TMEM117: variants seen among roughly 807,000 people sequenced by gnomAD.
The protein encoded by TMEM117 is transmembrane protein 117.
A neutral mutation model predicts 52.4 loss-of-function variants in TMEM117; 27 were observed. The observed-to-expected ratio is 0.51, with a 90% CI of 0.38 to 0.71. The LOEUF (loss-of-function observed/expected upper bound fraction) is 0.71. Among genes scored for constraint, TMEM117 ranks in the 30% least tolerant of loss-of-function variants. TMEM117 has a pLI of 0.00. For synonymous variants in TMEM117, 215 were observed against 206.3 expected (o/e 1.04, Z -0.36); for missense variants, 556 against 630.5 (o/e 0.88, Z 1.26).
intron 3 of TMEM117, among the ~76,000 whole-genome samples, chr12:44,126,649 T>G (rs1371368072): frequency 6.6e-6 from 1 of 152,228 alleles, no homozygotes; most frequent in East Asian, 1.9e-4. Flanking sequence ...GTGCGCTAGT[T>G]GCAGTATTTG....
chr12:44,077,994 A>G (rs1231472079), intron 3 of TMEM117, among the ~76,000 whole-genome samples: 3 of 152,086 alleles, frequency 2.0e-5, no homozygotes, highest in African/African-American at 4.8e-5. Flanking sequence ...ATTTTTTTTG[A>G]CATTTCCTAC....
intron 2 of TMEM117, among the ~76,000 whole-genome samples, chr12:43,890,591 G>A (rs1489054148): frequency 6.6e-6 from 1 of 151,958 alleles, no homozygotes; most frequent in African/African-American, 2.4e-5. Context: ...GAGTGTAGTG[G>A]TGCAATCTCG....
At chr12:43,799,136 G>A in the TMEM117 span, among the ~76,000 whole-genome samples, 2 of 151,978 alleles carry the variant, frequency 1.3e-5, no homozygotes, top group South Asian at 2.1e-4. Flanking sequence ...CACAACAGTT[G>A]TACTTCAAAA....
intron 6 of TMEM117, among the ~76,000 whole-genome samples, chr12:44,370,229 A>G (rs1399011603): frequency 6.6e-6 from 1 of 152,172 alleles, no homozygotes; most frequent in Non-Finnish European, 1.5e-5. Flanking sequence ...CCAAACATTT[A>G]CTGCCTCTTC....
chr12:43,834,397 CAATCATGAGTAAGATTT>C (rs1363157676), upstream of TMEM117, among the ~76,000 whole-genome samples: 1 of 152,140 alleles, frequency 6.6e-6, no homozygotes, highest in Non-Finnish European at 1.5e-5. Flanking sequence ...ACTAAGGATA[CAATCATGAGTAAGATTT>C]AATCTCTGCC....
rs183576645 is a variant in TMEM117, at chr12:44,094,223, A to C, written c.411-49302A>C. The stretch of plus-strand genomic sequence containing the variant: ...AACCATTCACTATGCATTAGCTCCA[A>C]TGACAGAATATAGATCATAGTAAGT... On this transcript the variant is annotated intron_variant, in intron 3 of 7. Coordinates refer to ENST00000266534, the MANE Select transcript of TMEM117 (RefSeq NM_032256.3). Among the ~76,000 whole-genome samples, 193 of 152,270 alleles carry C rather than the reference A, an allele frequency of 1.3e-3. 1 individual carries two copies. The highest frequency in any genetic ancestry group is 4.2e-3 in the African/African-American group (173 of 41,548).
chr12:43,852,270 A>C (rs1943322631), intron 2 of TMEM117, among the ~76,000 whole-genome samples: 1 of 152,184 alleles, frequency 6.6e-6, no homozygotes, highest in South Asian at 2.1e-4. Flanking sequence ...TCTCTACTAA[A>C]AGTACAAAAA....
In TMEM117 at chr12:44,100,129, G is replaced by C. The variant is rs1020410443; in HGVS notation, c.411-43396G>C. ...TTATCCTCTATAATGGGATAGACAT[G>C]GTGCTAGGTATGTTTATATTATGTA... On this transcript the variant is annotated intron_variant, in intron 3 of 7. Coordinates refer to ENST00000266534, the MANE Select transcript of TMEM117 (RefSeq NM_032256.3). 6.6e-5 allele frequency among the ~76,000 whole-genome samples: 10 copies of C among 152,006 alleles called. No individual in the cohort carries two copies. In the East Asian group the frequency reaches 1.7e-3, roughly 27 times the overall value.
intron 3 of TMEM117, among the ~76,000 whole-genome samples, chr12:44,007,748 C>T (rs548416657): frequency 6.6e-6 from 1 of 152,174 alleles, no homozygotes; most frequent in South Asian, 2.1e-4. Flanking sequence ...GTGCTGTTCT[C>T]GTGATAGTGA....
chr12:44,122,048 CTTTT>C (rs201865850), intron 3 of TMEM117, among the ~76,000 whole-genome samples: 1 of 138,812 alleles, frequency 7.2e-6, no homozygotes. Context: ...CTTTTCTTTT[CTTTT>C]TTTTTTTTTT....
the TMEM117 span, chr12:43,806,012 G>C: frequency 6.6e-7 from 1 of 1,524,976 alleles, no homozygotes; most frequent in South Asian, 1.2e-5. Flanking sequence ...TCTGCAACGT[G>C]ACGGCAGCAG....
chr12:44,050,728 A>G (rs1264798930), intron 3 of TMEM117, among the ~76,000 whole-genome samples: 4 of 152,242 alleles, frequency 2.6e-5, no homozygotes, highest in Non-Finnish European at 4.4e-5. Flanking sequence ...TAGGAGATCT[A>G]TCGCTAATAT....
intron 3 of TMEM117, among the ~76,000 whole-genome samples, chr12:44,107,630 A>G (rs144028321): frequency 6.6e-6 from 1 of 152,256 alleles, no homozygotes; most frequent in Non-Finnish European, 1.5e-5. Flanking sequence ...TAATTTTTCG[A>G]CTATTTCTAA....
At chr12:44,238,685 T>G (rs936088572) in intron 5 of TMEM117, among the ~76,000 whole-genome samples, 1 of 152,136 alleles carries the variant, frequency 6.6e-6, no homozygotes, top group Non-Finnish European at 1.5e-5. Context: ...CTCAACCCAG[T>G]TGCAACTCCC....
chr12:44,014,473 G>C (rs1283189737), intron 3 of TMEM117, among the ~76,000 whole-genome samples: 1 of 152,156 alleles, frequency 6.6e-6, no homozygotes, highest in Non-Finnish European at 1.5e-5. Context: ...GGTATGTCCT[G>C]AGAATTTCTA....
chr12:44,067,710 G>A (rs1465458613), intron 3 of TMEM117, among the ~76,000 whole-genome samples: 1 of 152,152 alleles, frequency 6.6e-6, no homozygotes, highest in Non-Finnish European at 1.5e-5. Context: ...TAGAGCACAG[G>A]CAGAGTTAGG....
At chr12:43,883,472 T>TTA (rs1286183174) in intron 2 of TMEM117, among the ~76,000 whole-genome samples, 2 of 152,206 alleles carry the variant, frequency 1.3e-5, no homozygotes, top group African/African-American at 4.8e-5. Context: ...TGGAATTACA[T>TTA]TAACCAGAAA....
At chr12:44,061,361 G>T (rs1388324442) in intron 3 of TMEM117, among the ~76,000 whole-genome samples, 1 of 152,172 alleles carries the variant, frequency 6.6e-6, no homozygotes, top group Admixed American at 6.6e-5. Flanking sequence ...AGAGGGAGCT[G>T]TTGGAGCTTA....
intron 7 of TMEM117, among the ~76,000 whole-genome samples, chr12:44,383,847 CA>C (rs1952053063): frequency 6.6e-6 from 1 of 152,028 alleles, no homozygotes; most frequent in African/African-American, 2.4e-5. Context: ...TCAGAAGATA[CA>C]ATTTTTTTTC....
Sources: allele counts gnomAD v4.1 joint callset (sites outside exome capture counted in the v4.1 genomes callset), GRCh38; gene constraint gnomAD v4.1.1; transcripts MANE v1.5; gene names NCBI Gene and HGNC (gene_info 2026-07-23, HGNC 2026-07-21).